The following SHANK1 variants were observed in gnomAD, a reference collection of about 807,000 sequenced individuals.
The protein encoded by SHANK1 is SH3 and multiple ankyrin repeat domains protein 1.
SHANK1 carries 35 observed loss-of-function variants against 165.6 expected under a neutral mutation model. That is an observed-to-expected ratio of 0.21 (90% confidence interval 0.16 to 0.28). The LOEUF is 0.28. Ranked by LOEUF, SHANK1 falls within the 10% of genes least tolerant of loss-of-function variation. The pLI is 1.00. For synonymous variants in SHANK1, 1,428 were observed against 1,384.8 expected, an observed-to-expected ratio of 1.03 and a Z score of -0.69; for missense variants, 2,681 against 3,036.4, an observed-to-expected ratio of 0.88 and a Z score of 2.75.
chr19:50,671,983 C>A, intron 22 of SHANK1, 35 bp downstream of exon 22: 1 of 1,521,506 alleles, frequency 6.6e-7, no homozygotes, highest in South Asian at 1.1e-5. Flanking sequence ...CCTGGCCTCC[C>A]CCAGCCCCCA....
In SHANK1 at chr19:50,689,216, G is replaced by A. The variant is rs1599856515; in HGVS notation, c.2028C>T (p.Phe676=). The change falls in exon 16 of 24, where the codon TTC becomes TTT. Residue 676 remains phenylalanine, a synonymous_variant. Coordinates refer to ENST00000293441, the MANE Select transcript of SHANK1 (RefSeq NM_016148.5). ...LQKKDSEGFG[F]VLRGAKAQTP... ...ACTCACCCTTGGCCCCCCGGAGCAC[G>A]AACCCAAACCCCTCACTGTCCTTCT... 2.9e-5 allele frequency: 47 copies of A among 1,610,898 alleles called. No homozygotes were observed. The highest frequency in any genetic ancestry group is 3.8e-5 in the Non-Finnish European group (45 of 1,178,524).
Position 50,687,606 on chromosome 19 carries a change from T to A in SHANK1, c.2365A>T (p.Met789Leu). ...CCCATCTCCTCCAGCTCTGAGGTCATAGATTTGGAACGCAGGGAGATGGTT... is the reference window on the plus strand; with the variant it reads ...CCCATCTCCTCCAGCTCTGAGGTCAAAGATTTGGAACGCAGGGAGATGGTT... ...PPTISLRSKS[M>L]TSELEEMEYE... The change falls in exon 19 of 24, where the codon ATG (methionine) becomes TTG (leucine). Residue 789 changes from methionine (M) to leucine (L), a missense_variant. Transcript: ENST00000293441. The A allele has an allele frequency of 6.5e-7, 1 of 1,545,248 alleles. No homozygotes were observed. The highest frequency in any genetic ancestry group is 1.2e-5 in the South Asian group (1 of 83,172).
In SHANK1 at chr19:50,703,612, G is replaced by A. The variant is rs768568207; in HGVS notation, c.1441C>T (p.Leu481Phe). ...QSQPSAPTTK[L>F]SSGTLRSASS... ...GCACTTCGGAGGGTCCCGCTGCTGAGCTTGGTGGTGGGGGCCGAGGGCTGC... is the reference window on the plus strand; with the variant it reads ...GCACTTCGGAGGGTCCCGCTGCTGAACTTGGTGGTGGGGGCCGAGGGCTGC... The change falls in exon 11 of 24, where the codon CTC (leucine) becomes TTC (phenylalanine). Residue 481 changes from leucine (L) to phenylalanine (F), a missense_variant. Around this residue, in one of 10 missense-constraint regions of SHANK1, gnomAD observed 195 missense variants for 186.2 expected, o/e 1.05. Transcript: ENST00000293441. 7.7e-6 allele frequency: 12 copies of A among 1,558,020 alleles called. No individual in the cohort carries two copies. In the African/African-American group the frequency reaches 1.5e-4, roughly 19 times the overall value.
Position 50,666,366 on chromosome 19 carries a change from G to A in SHANK1, c.5594C>T (p.Thr1865Ile), listed in dbSNP as rs1985509004. The A allele has an allele frequency of 6.2e-7, 1 of 1,613,710 alleles. No individual in the cohort carries two copies. The highest frequency in any genetic ancestry group is 1.1e-5 in the South Asian group (1 of 91,076). The change falls in exon 23 of 24, where the codon ACA (threonine) becomes ATA (isoleucine). Residue 1865 changes from threonine (T) to isoleucine (I), a missense_variant. By Grantham distance (89) the Thr-to-Ile change is moderately conservative (BLOSUM62 -1). This residue lies in a region of SHANK1 where 1,713 missense variants were observed against 1,630.2 expected (regional missense o/e 1.05). Coordinates refer to ENST00000293441, the MANE Select transcript of SHANK1 (RefSeq NM_016148.5). ...TTCACTGATGATGCTGGCTTTTACT[G>A]TGGCCAAGGCTGAGGCCTGAGGCTG... is the stretch of plus-strand genomic sequence containing the variant. Reference protein sequence around the residue: ...LAQPQASALATVKASIISELS... With the variant: ...LAQPQASALAIVKASIISELS...
At position 50,667,078 on chromosome 19, in the gene SHANK1, C is replaced by T; in HGVS notation, c.4882G>A (p.Asp1628Asn). Residue 1628 changes from aspartate (D) to asparagine (N), a missense_variant, in exon 23 of 24, where the codon GAC becomes AAC. Physicochemically the swap from Asp to Asn is conservative, Grantham distance 23. Transcript: ENST00000293441. The surrounding 1 kb of genome is among the most constrained non-coding windows in gnomAD (Gnocchi z 5.7). Reference sequence around the variant, plus strand: ...TGGGTCAGGGTGGCCACCTCGCTGTCATAGGATGTCAGGCTGGATGCGGTG... The same window carrying T: ...TGGGTCAGGGTGGCCACCTCGCTGTTATAGGATGTCAGGCTGGATGCGGTG... Reference protein sequence around the residue: ...DSTASSLTSYDSEVATLTQGA... With the variant: ...DSTASSLTSYNSEVATLTQGA... 6.4e-7 allele frequency: 1 copy of T among 1,557,872 alleles called. No individual in the cohort carries two copies. The highest frequency in any genetic ancestry group is 8.6e-7 in the Non-Finnish European group (1 of 1,157,546).
rs367721258 is a variant in SHANK1 at position 50,714,396 on chromosome 19, C to G, written c.532-106G>C. The G allele has an allele frequency of 6.9e-5, 64 of 925,600 alleles. 2 individuals are homozygous for G. In the South Asian group the frequency reaches 9.3e-4, roughly 13 times the overall value. 57.3% of individuals were successfully genotyped at this position (925,600 alleles called of 1,614,324 possible). ...GTGAAAATATACGTGGAGTCACATA[C>G]GCCATTGAAAAGCTTCTAGCAGCCT... On this transcript the variant is annotated intron_variant, in intron 4 of 23. Transcript: ENST00000293441.
chr19:50,709,264 G>A (rs934743606), intron 8 of SHANK1, among the ~76,000 whole-genome samples: 3 of 151,766 alleles, frequency 2.0e-5, no homozygotes, highest in African/African-American at 4.8e-5. Context: ...TCAGCCTCCC[G>A]AGTAGCTGGG....
Position 50,716,517 on chromosome 19 carries a change from G to T in SHANK1, c.256-39C>A. 1 of 1,607,692 alleles carries T rather than the reference G, an allele frequency of 6.2e-7. No individual in the cohort carries two copies. The highest frequency in any genetic ancestry group is 8.5e-7 in the Non-Finnish European group (1 of 1,175,588). Reference sequence around the variant, plus strand: ...AGATAGGGGCTAGGGTGGGCCAGGGGCCAGAGGAGAGCCTGAGGTGGGTTG... The same window carrying T: ...AGATAGGGGCTAGGGTGGGCCAGGGTCCAGAGGAGAGCCTGAGGTGGGTTG... On this transcript the variant is annotated intron_variant, in intron 2 of 23. Coordinates refer to ENST00000293441, the MANE Select transcript of SHANK1 (RefSeq NM_016148.5). This position sits in a 1 kb window ranked among gnomAD's most constrained non-coding sequence, Gnocchi z 8.4.
chr19:50,679,890 A>G (rs1470678233), intron 21 of SHANK1, among the ~76,000 whole-genome samples: 3 of 151,924 alleles, frequency 2.0e-5, no homozygotes, highest in African/African-American at 7.3e-5. Context: ...AGATGGGGAG[A>G]GAGACAGAGA....
chr19:50,681,478 G>A (rs1230144551), intron 21 of SHANK1, among the ~76,000 whole-genome samples: 1 of 152,114 alleles, frequency 6.6e-6, no homozygotes, highest in African/African-American at 2.4e-5. Flanking sequence ...GCTCCTCTGG[G>A]GGTGGAGGTC....
At chr19:50,679,905 G>A (rs899642893) in intron 21 of SHANK1, among the ~76,000 whole-genome samples, 2 of 151,938 alleles carry the variant, frequency 1.3e-5, no homozygotes, top group South Asian at 2.1e-4. Context: ...CAGAGATGGA[G>A]AGACAGAGAC....
intron 11 of SHANK1, among the ~76,000 whole-genome samples, chr19:50,703,119 C>T (rs1011591304): frequency 4.0e-5 from 6 of 151,824 alleles, no homozygotes; most frequent in African/African-American, 7.3e-5. Flanking sequence ...GAATGTCCCC[C>T]GCCCCTTCCT....
chr19:50,703,995 T>C (rs1484859798), intron 10 of SHANK1, 125 bp downstream of exon 10: 38 of 984,368 alleles, frequency 3.9e-5, no homozygotes, highest in Non-Finnish European at 3.4e-5. Flanking sequence ...CCAGACATTT[T>C]TGGTCCTCTA....
At position 50,687,910 on chromosome 19, in the gene SHANK1, G is replaced by A. The variant is rs779019258; in HGVS notation, c.2308+13C>T. 4 of 1,613,770 alleles carry A rather than the reference G, an allele frequency of 2.5e-6. No homozygotes were observed. The highest frequency in any genetic ancestry group is 1.3e-5 in the African/African-American group (1 of 75,044). ...TGGCAGTGGGGTGGCTGCGAGAGTG[G>A]CCGCAGGAGCACCTTTCTTGTGCAC... On this transcript the variant is annotated intron_variant, in intron 18 of 23. Transcript: ENST00000293441.
In SHANK1 at chr19:50,661,876, G is replaced by A. The variant is rs1209908499; in HGVS notation, c.*89C>T. 28 of 1,441,142 alleles carry A rather than the reference G, an allele frequency of 1.9e-5. No individual in the cohort carries two copies. The highest frequency in any genetic ancestry group is 9.5e-5 in the South Asian group (8 of 84,540). 89.3% of individuals were successfully genotyped at this position (1,441,142 alleles called of 1,614,324 possible). A position where few individuals can be genotyped will look rare whatever the true frequency, so the allele number is the denominator to read the frequency against. ...GCAGTTTGAACAGAGTCCCTGGCCCGGGGAGAGAATGACAGTCAGGGGTCA... is the reference window on the plus strand; with the variant it reads ...GCAGTTTGAACAGAGTCCCTGGCCCAGGGAGAGAATGACAGTCAGGGGTCA... On this transcript the variant is annotated 3_prime_UTR_variant, in exon 24 of 24. Coordinates refer to ENST00000293441, the MANE Select transcript of SHANK1 (RefSeq NM_016148.5).
rs1189966344 is a variant in SHANK1 at position 50,667,392 on chromosome 19, G to A, written c.4568C>T (p.Pro1523Leu). 1 of 1,525,716 alleles carries A rather than the reference G, an allele frequency of 6.6e-7. No homozygotes were observed. The highest frequency in any genetic ancestry group is 1.3e-5 in the South Asian group (1 of 79,278). 94.5% of individuals were successfully genotyped at this position (1,525,716 alleles called of 1,614,324 possible). A position where few individuals can be genotyped will look rare whatever the true frequency, so the allele number is the denominator to read the frequency against. ...EDGPGVPPPS[P>L]RRSVPPSPTS... ...CGGGGAGGGGGGCACGGACCGGCGTGGGCTGGGCGGCGGGACCCCCGGCCC... is the reference window on the plus strand; with the variant it reads ...CGGGGAGGGGGGCACGGACCGGCGTAGGCTGGGCGGCGGGACCCCCGGCCC... The change falls in exon 23 of 24, where the codon CCA becomes CTA. Residue 1523 changes from proline to leucine, a missense_variant. Pro to Leu is a moderately conservative substitution (Grantham distance 98). Coordinates refer to ENST00000293441, the MANE Select transcript of SHANK1 (RefSeq NM_016148.5). The surrounding 1 kb of genome is among the most constrained non-coding windows in gnomAD (Gnocchi z 5.7).
chr19:50,667,989 C>G lies in SHANK1; in HGVS notation c.3971G>C (p.Gly1324Ala). Residue 1324 changes from glycine to alanine, a missense_variant, in exon 23 of 24, where the codon GGG becomes GCG. This residue lies in a region of SHANK1 where 1,713 missense variants were observed against 1,630.2 expected (regional missense o/e 1.05). Transcript: ENST00000293441. The surrounding 1 kb of genome is among the most constrained non-coding windows in gnomAD (Gnocchi z 5.7). Reference sequence around the variant, plus strand: ...GAAGCTGGTGAAGGCGCTGCTGCCCCCGCCACCCCCGTAGGCTCGGCTACC... The same window carrying G: ...GAAGCTGGTGAAGGCGCTGCTGCCCGCGCCACCCCCGTAGGCTCGGCTACC... ...GAGSRAYGGGGGSSAFTSFLP... is the reference protein window; with the variant it reads ...GAGSRAYGGGAGSSAFTSFLP... 6.9e-7 allele frequency: 1 copy of G among 1,456,676 alleles called. No individual in the cohort carries two copies. The highest frequency in any genetic ancestry group is 9.0e-7 in the Non-Finnish European group (1 of 1,109,610). The allele number at this position is 1,456,676 out of a possible 1,614,324, so 90.2% of individuals were successfully genotyped here.
At position 50,668,790 on chromosome 19, in the gene SHANK1, G is replaced by A; in HGVS notation, c.3170C>T (p.Pro1057Leu). The A allele has an allele frequency of 1.6e-6, 2 of 1,266,726 alleles. No homozygotes were observed. The highest frequency in any genetic ancestry group is 2.0e-6 in the Non-Finnish European group (2 of 1,011,650). 78.5% of individuals were successfully genotyped at this position (1,266,726 alleles called of 1,614,324 possible). The change falls in exon 23 of 24, where the codon CCG becomes CTG. Residue 1057 changes from proline to leucine, a missense_variant. This residue lies in a region of SHANK1 where 1,713 missense variants were observed against 1,630.2 expected (regional missense o/e 1.05). Transcript: ENST00000293441. The part of the protein sequence containing the change: ...LRGWRGGGPS[P>L]TPGAPSPSHH... Reference sequence around the variant, plus strand: ...CGATGGGGACGGGGCCCCCGGGGTCGGGCTGGGCCCGCCGCCCCTCCAGCC... The same window carrying A: ...CGATGGGGACGGGGCCCCCGGGGTCAGGCTGGGCCCGCCGCCCCTCCAGCC...
At chr19:50,711,152 C>T (rs2089003736) in intron 8 of SHANK1, 1 of 555,248 alleles carries the variant, frequency 1.8e-6, no homozygotes, top group South Asian at 2.2e-5. Flanking sequence ...CAGCTCCAGG[C>T]CTGATACAGA....
Sources: gnomAD v4.1 joint callset for allele counts (sites outside exome capture counted in the v4.1 genomes callset) on GRCh38, gnomAD v4.1.1 for gene constraint, gnomAD v4.1.1 regional missense constraint, Gnocchi (gnomAD v3.1) non-coding constraint, MANE v1.5 for transcripts, NCBI Gene and HGNC (gene_info 2026-07-23, HGNC 2026-07-21) for gene names.